The following DYM variants were observed in gnomAD, a reference collection of about 807,000 sequenced individuals.
DYM encodes dymeclin, also known as dyggve-Melchior-Clausen syndrome protein.
Under a neutral mutation model 93.1 loss-of-function variants are expected in DYM, and 78 were observed. The observed-to-expected ratio is 0.84, with a 90% confidence interval of 0.70 to 1.01. DYM has a LOEUF of 1.01. DYM is among the 50% of genes least tolerant of loss of function. The pLI, the probability that DYM is intolerant of heterozygous loss-of-function variation, is 0.00. For synonymous variants in DYM, 321 were observed against 319.7 expected (o/e 1.00, Z -0.04); for missense variants, 789 against 845.0 (o/e 0.93, Z 0.82).
intron 6 of DYM, among the ~76,000 whole-genome samples, chr18:49,355,824 A>G (rs773060798): frequency 6.6e-5 from 10 of 152,134 alleles, no homozygotes; most frequent in Non-Finnish European, 1.5e-4. Flanking sequence ...ATAAAGACTT[A>G]TTTTTTCAAA....
At chr18:49,284,109 T>C (rs1180755805) in intron 9 of DYM, among the ~76,000 whole-genome samples, 2 of 152,120 alleles carry the variant, frequency 1.3e-5, no homozygotes, top group Admixed American at 1.3e-4. Context: ...TTCTTTAAAA[T>C]TGAAGGAAAG....
In DYM at chr18:49,082,194, C is replaced by T. The variant is rs553953839; in HGVS notation, c.2025+15208G>A. Among the ~76,000 whole-genome samples, 36 of 152,342 alleles carry T rather than the reference C, an allele frequency of 2.4e-4. 1 individual carries two copies. The highest frequency in any genetic ancestry group is 2.1e-3 in the South Asian group (10 of 4,828). ...ATGTGAGGTGCTTGCCACCATGCCA[C>T]GAACTACATGGACTGTACTTGGTCC... On this transcript the variant is annotated intron_variant, in intron 17 of 17. Transcript: ENST00000675505.
intron 17 of DYM, among the ~76,000 whole-genome samples, chr18:49,060,764 A>AG (rs2075920200): frequency 2.1e-5 from 2 of 96,508 alleles, no homozygotes; most frequent in African/African-American, 4.1e-5. Context: ...AGAGAGAGAG[A>AG]GGGGGAGAGA....
intron 6 of DYM, among the ~76,000 whole-genome samples, chr18:49,348,625 T>G (rs1368170097): frequency 6.8e-6 from 1 of 146,756 alleles, no homozygotes; most frequent in Non-Finnish European, 1.5e-5. Flanking sequence ...AAAAAAAAAA[T>G]GGGCCGAGTG....
At chr18:49,453,488 G>A (rs951701032) in intron 1 of DYM, among the ~76,000 whole-genome samples, 14 of 152,204 alleles carry the variant, frequency 9.2e-5, no homozygotes, top group African/African-American at 2.4e-4. Flanking sequence ...GCGAGAGCAC[G>A]AACCCACCAG....
chr18:49,235,731 A>G (rs2093840123), intron 13 of DYM, among the ~76,000 whole-genome samples: 2 of 151,810 alleles, frequency 1.3e-5, no homozygotes, highest in Admixed American at 1.3e-4. Flanking sequence ...TATGGTAGGA[A>G]ATAAAAGTAA....
At chr18:49,114,564 G>C (rs904696943) in intron 16 of DYM, 1 of 985,384 alleles carries the variant, frequency 1.0e-6, no homozygotes, top group Non-Finnish European at 1.2e-6. Flanking sequence ...TTCCAAAGGA[G>C]AATGTGTTTC....
intron 15 of DYM, among the ~76,000 whole-genome samples, chr18:49,161,314 A>C (rs1316023847): frequency 6.6e-6 from 1 of 152,222 alleles, no homozygotes; most frequent in South Asian, 2.1e-4. Flanking sequence ...TGGTTGGCAA[A>C]TACCAGTAAA....
intron 13 of DYM, among the ~76,000 whole-genome samples, chr18:49,251,028 C>T (rs959094920): frequency 2.6e-5 from 4 of 152,198 alleles, no homozygotes; most frequent in Admixed American, 6.5e-5. Context: ...CATCTCTGGC[C>T]TCTACCCACT....
At chr18:49,177,933 C>G (rs1170745322) in intron 14 of DYM, among the ~76,000 whole-genome samples, 1 of 151,910 alleles carries the variant, frequency 6.6e-6, no homozygotes, top group East Asian at 1.9e-4. Flanking sequence ...TCTAAAACTA[C>G]TTTTTAGAAA....
At position 49,372,268 on chromosome 18, in the gene DYM, A is replaced by T. The variant is rs546069151; in HGVS notation, c.421+6299T>A. Among the ~76,000 whole-genome samples, 4 of 152,336 alleles carry T rather than the reference A, an allele frequency of 2.6e-5. No homozygotes were observed. In the South Asian group the frequency reaches 8.3e-4, roughly 32 times the overall value. On this transcript the variant is annotated intron_variant, in intron 5 of 17. Coordinates refer to ENST00000675505, the MANE Select transcript of DYM (RefSeq NM_001353214.3). ...ATTTAATTTTATTGCTCTTTTATCA[A>T]CTGTAAAAAGAAATTGGCAGAAAAT...
intron 8 of DYM, among the ~76,000 whole-genome samples, chr18:49,331,141 T>C (rs995545750): frequency 1.3e-5 from 2 of 152,142 alleles, no homozygotes; most frequent in South Asian, 2.1e-4. Flanking sequence ...GGAGAGGACA[T>C]GCTGCAGGTT....
chr18:49,050,072 G>A (rs915563683), intron 17 of DYM, among the ~76,000 whole-genome samples: 1 of 147,182 alleles, frequency 6.8e-6, no homozygotes, highest in African/African-American at 2.5e-5. Context: ...GGACAGAGAG[G>A]TAACTTCCTT....
chr18:49,344,887 G>T (rs1233251380), intron 6 of DYM, among the ~76,000 whole-genome samples: 1 of 151,986 alleles, frequency 6.6e-6, no homozygotes, highest in African/African-American at 2.4e-5. Flanking sequence ...AAATCTAGAG[G>T]GGCAGATAAA....
At chr18:49,298,140 A>G (rs1047187116) in intron 8 of DYM, among the ~76,000 whole-genome samples, 2 of 150,308 alleles carry the variant, frequency 1.3e-5, no homozygotes, top group African/African-American at 4.9e-5. Context: ...CTAACACAAA[A>G]CACGATATTA....
At chr18:49,082,499 T>C (rs1385042436) in intron 17 of DYM, among the ~76,000 whole-genome samples, 2 of 152,230 alleles carry the variant, frequency 1.3e-5, no homozygotes, top group Non-Finnish European at 2.9e-5. Flanking sequence ...AGCTATTCTG[T>C]GCAAGGTAGT....
At chr18:49,208,817 A>G (rs1347699138) in intron 14 of DYM, 2 of 152,014 alleles carry the variant, frequency 1.3e-5, no homozygotes, top group East Asian at 3.8e-4. Flanking sequence ...TTACTTAGAA[A>G]AAAAAAAACG....
intron 14 of DYM, 120 bp downstream of exon 14, chr18:49,209,431 C>T (rs1207140767): frequency 2.7e-5 from 18 of 662,412 alleles, no homozygotes; most frequent in Non-Finnish European, 3.2e-5. Flanking sequence ...TTATTTAGTA[C>T]CATTTCAAAT....
chr18:49,377,197 A>C (rs2067582666), intron 5 of DYM, among the ~76,000 whole-genome samples: 1 of 152,242 alleles, frequency 6.6e-6, no homozygotes, highest in African/African-American at 2.4e-5. Flanking sequence ...AAATAGTTTT[A>C]AGAAATGCTT....
Sources: gnomAD v4.1 joint callset for allele counts (sites outside exome capture counted in the v4.1 genomes callset) on GRCh38, gnomAD v4.1.1 for gene constraint, MANE v1.5 for transcripts, NCBI Gene and HGNC (gene_info 2026-07-23, HGNC 2026-07-21) for gene names.